The following PDS5B variants were observed in gnomAD, a reference collection of about 807,000 sequenced individuals.
PDS5B encodes the protein PDS5 cohesin associated factor B, also known as sister chromatid cohesion protein PDS5 homolog B.
A neutral mutation model predicts 184.1 loss-of-function variants in PDS5B; 51 were observed. The ratio of observed to expected loss-of-function variants is 0.28; its 90% CI spans 0.22 to 0.35. PDS5B has a LOEUF of 0.35. Ranked by LOEUF, PDS5B falls within the 10% of genes least tolerant of loss-of-function variation. The pLI is 1.00. For synonymous variants in PDS5B, 566 were observed against 569.2 expected (o/e 0.99, Z 0.08); for missense variants, 1,180 against 1,723.3 (o/e 0.68, Z 5.58).
intron 27 of PDS5B, 47 bp downstream of exon 27, chr13:32,758,266 A>C: frequency 7.2e-7 from 1 of 1,390,206 alleles, no homozygotes; most frequent in Non-Finnish European, 9.7e-7. Flanking sequence ...TGATTTAAAA[A>C]TTTAGGTGTA....
chr13:32,609,729 T>C (rs941573102), intron 1 of PDS5B, among the ~76,000 whole-genome samples: 1 of 152,142 alleles, frequency 6.6e-6, no homozygotes, highest in Non-Finnish European at 1.5e-5. Flanking sequence ...GTCACTCTAG[T>C]CAGTTCTGTA....
At position 32,735,211 on chromosome 13, in the gene PDS5B, C is replaced by T; in HGVS notation, c.2287C>T (p.Leu763Phe). ...KSLDPSNLEH[L>F]ITPLVTIGHI... ...CCTAGATCCAAGCAACCTGGAACAT[C>T]TCATAACACCATTGGTTACTATTGG... is the stretch of plus-strand genomic sequence containing the variant. The change falls in exon 21 of 35, where the codon CTC (leucine) becomes TTC (phenylalanine). Residue 763 changes from leucine (L) to phenylalanine (F), a missense_variant. This residue lies in a region of PDS5B where 475 missense variants were observed against 691.5 expected (regional missense o/e 0.69). Transcript: ENST00000315596. The T allele has an allele frequency of 6.2e-7, 1 of 1,610,692 alleles. No homozygotes were observed. The highest frequency in any genetic ancestry group is 8.5e-7 in the Non-Finnish European group (1 of 1,178,192).
At chr13:32,718,085 AATTT>A (rs1321885022) in intron 19 of PDS5B, among the ~76,000 whole-genome samples, 1 of 152,186 alleles carries the variant, frequency 6.6e-6, no homozygotes, top group Non-Finnish European at 1.5e-5. Context: ...TTATGTTTAC[AATTT>A]ATTATATAAG....
intron 3 of PDS5B, among the ~76,000 whole-genome samples, chr13:32,654,663 T>G (rs9596031): frequency 0.012 from 1,837 of 152,216 alleles, 40 homozygotes; most frequent in African/African-American, 0.041. Context: ...CAATAGGTAG[T>G]TTTCCGATCC....
intron 11 of PDS5B, among the ~76,000 whole-genome samples, chr13:32,686,115 T>C (rs1951379415): frequency 6.6e-6 from 1 of 152,212 alleles, no homozygotes; most frequent in Admixed American, 6.5e-5. Context: ...AAAAAATTAA[T>C]AATCTCTGCA....
chr13:32,658,127 T>C, intron 3 of PDS5B, 112 bp from the exon 4 acceptor site: 1 of 511,152 alleles, frequency 2.0e-6, no homozygotes, highest in South Asian at 3.6e-5. Flanking sequence ...TCTGGTTCTT[T>C]ATAGTTTATT....
intron 1 of PDS5B, among the ~76,000 whole-genome samples, chr13:32,640,760 TC>T (rs1363135733): frequency 6.0e-5 from 9 of 150,756 alleles, no homozygotes; most frequent in African/African-American, 2.2e-4. Context: ...AACTCATAAA[TC>T]AGCACATTGT....
At chr13:32,737,775 A>G (rs558493174) in intron 21 of PDS5B, among the ~76,000 whole-genome samples, 1 of 152,294 alleles carries the variant, frequency 6.6e-6, no homozygotes, top group African/African-American at 2.4e-5. Context: ...TTTGTATAAC[A>G]TGTTTCATAA....
At chr13:32,631,108 T>A (rs1278165490) in intron 1 of PDS5B, among the ~76,000 whole-genome samples, 2 of 136,640 alleles carry the variant, frequency 1.5e-5, no homozygotes, top group Non-Finnish European at 3.2e-5. Flanking sequence ...TATTGATTCT[T>A]TTTTTCTTTC....
At chr13:32,669,937 C>T (rs574851803) in intron 7 of PDS5B, among the ~76,000 whole-genome samples, 1 of 152,220 alleles carries the variant, frequency 6.6e-6, no homozygotes, top group South Asian at 2.1e-4. Flanking sequence ...TGGACTTAAT[C>T]GTCTTGTAGT....
At chr13:32,637,386 G>C (rs1346985025) in intron 1 of PDS5B, among the ~76,000 whole-genome samples, 1 of 152,184 alleles carries the variant, frequency 6.6e-6, no homozygotes, top group African/African-American at 2.4e-5. Flanking sequence ...ACACACTGAA[G>C]AGGGAGAGGA....
chr13:32,616,937 A>G lies in PDS5B; in HGVS notation c.-20+30344A>G, dbSNP rs527538703. 1.1e-4 allele frequency among the ~76,000 whole-genome samples: 16 copies of G among 152,344 alleles called. No individual in the cohort carries two copies. The South Asian group carries it at 1.4e-3, about 14-fold the overall frequency. Reference sequence around the variant, plus strand: ...TTTCTCTAAGGGATTAAAGTCAGGAATAATGAACAGTTTAATTTAGATGAT... The same window carrying G: ...TTTCTCTAAGGGATTAAAGTCAGGAGTAATGAACAGTTTAATTTAGATGAT... On this transcript the variant is annotated intron_variant, in intron 1 of 34. Transcript: ENST00000315596.
chr13:32,769,965 A>G (rs2141036591), intron 31 of PDS5B, among the ~76,000 whole-genome samples, 156 bp from the exon 32 acceptor site: 1 of 152,356 alleles, frequency 6.6e-6, no homozygotes, highest in East Asian at 1.9e-4. Flanking sequence ...AAACTATAAT[A>G]AAAGCAAATA....
chr13:32,742,792 C>G, intron 23 of PDS5B, 65 bp downstream of exon 23: 1 of 1,343,230 alleles, frequency 7.4e-7, no homozygotes, highest in South Asian at 1.3e-5. Context: ...TGTAACTGTT[C>G]AATGGTGCTG....
At chr13:32,619,925 C>T (rs772294032) in intron 1 of PDS5B, among the ~76,000 whole-genome samples, 8 of 151,940 alleles carry the variant, frequency 5.3e-5, no homozygotes, top group Non-Finnish European at 7.4e-5. Flanking sequence ...CAGCCTCCCT[C>T]GTAGCTGGGA....
intron 1 of PDS5B, among the ~76,000 whole-genome samples, chr13:32,611,768 C>CA (rs2058146158): frequency 1.3e-5 from 2 of 151,990 alleles, no homozygotes; most frequent in Admixed American, 1.3e-4. Context: ...CTCAGCCTCC[C>CA]AAAGTGCTGG....
intron 3 of PDS5B, among the ~76,000 whole-genome samples, chr13:32,655,692 G>A (rs2140684283): frequency 6.6e-6 from 1 of 151,842 alleles, no homozygotes; most frequent in South Asian, 2.1e-4. Context: ...TAATGGGATT[G>A]TTTTTTGCTT....
chr13:32,680,321 A>G (rs866270390), intron 10 of PDS5B, among the ~76,000 whole-genome samples: 17 of 152,326 alleles, frequency 1.1e-4, no homozygotes, highest in African/African-American at 4.1e-4. Flanking sequence ...CACTCTGAGT[A>G]CATGGTTGGG....
chr13:32,751,608 C>T (rs1026144884), intron 24 of PDS5B, among the ~76,000 whole-genome samples: 2 of 152,106 alleles, frequency 1.3e-5, no homozygotes, highest in Non-Finnish European at 2.9e-5. Context: ...TAATGATTAA[C>T]GATGTTGAAC....
Sources: allele counts gnomAD v4.1 joint callset (sites outside exome capture counted in the v4.1 genomes callset), GRCh38; gene constraint gnomAD v4.1.1; regional missense constraint gnomAD v4.1.1; transcripts MANE v1.5; gene names NCBI Gene and HGNC (gene_info 2026-07-23, HGNC 2026-07-21).